The following ANKRD12 variants were observed in gnomAD, a reference collection of about 807,000 sequenced individuals.
The protein encoded by ANKRD12 is ankyrin repeat domain 12, also known as ankyrin repeat domain-containing protein 12.
A neutral mutation model predicts 183.4 loss-of-function variants in ANKRD12; 85 were observed. That is an observed-to-expected ratio of 0.46 (90% CI 0.39 to 0.56). The LOEUF (loss-of-function observed/expected upper bound fraction) is 0.56. Ranked by LOEUF, ANKRD12 falls within the 20% of genes least tolerant of loss-of-function variation. The probability of loss-of-function intolerance (pLI) is 0.00; values close to 1 mark genes in which losing one functional copy is unlikely to be tolerated. For synonymous variants in ANKRD12, 914 were observed against 800.2 expected, an observed-to-expected ratio of 1.14 and a Z score of -2.40; for missense variants, 2,405 against 2,357.1, an observed-to-expected ratio of 1.02 and a Z score of -0.42.
chr18:9,149,541 A>G (rs1016754033), intron 1 of ANKRD12, among the ~76,000 whole-genome samples: 22 of 152,194 alleles, frequency 1.4e-4, no homozygotes, highest in African/African-American at 4.8e-4. Flanking sequence ...AGAGTTTACT[A>G]GAAATTTCAA....
intron 8 of ANKRD12, among the ~76,000 whole-genome samples, chr18:9,237,267 A>G (rs2037399634): frequency 1.3e-5 from 2 of 152,230 alleles, no homozygotes; most frequent in Admixed American, 6.5e-5. Context: ...AAGATCTTCA[A>G]AATGATACAT....
rs201457578 is a variant in ANKRD12 at position 9,199,726 on chromosome 18, G to GT, written c.235+4036dup. On this transcript the variant is annotated intron_variant, in intron 3 of 12. Transcript: ENST00000262126. ...CTTTTATAAAGAAGCAATGCCTTTA[G>GT]TTTTTTTTAATGTTGGATTAAAATA... Among the ~76,000 whole-genome samples the GT allele has an allele frequency of 2.4e-3, 356 of 151,400 alleles. 2 individuals are homozygous for GT. The highest frequency in any genetic ancestry group is 8.2e-3 in the African/African-American group (339 of 41,274).
chr18:9,154,820 T>C (rs148633024), intron 1 of ANKRD12, among the ~76,000 whole-genome samples: 9 of 152,348 alleles, frequency 5.9e-5, no homozygotes, highest in African/African-American at 1.9e-4. Flanking sequence ...GTGGCATTTA[T>C]TGGAATAGAG....
At chr18:9,276,238 T>C (rs565389544) in intron 11 of ANKRD12, among the ~76,000 whole-genome samples, 1 of 152,164 alleles carries the variant, frequency 6.6e-6, no homozygotes, top group Non-Finnish European at 1.5e-5. Flanking sequence ...GATTAAAATT[T>C]TTATAATAAA....
intron 8 of ANKRD12, among the ~76,000 whole-genome samples, chr18:9,245,150 A>G (rs1050722040): frequency 4.6e-5 from 7 of 152,066 alleles, no homozygotes; most frequent in African/African-American, 1.7e-4. Flanking sequence ...TAATAATTCT[A>G]CCGTTGAAAG....
chr18:9,151,748 AG>A (rs1341400616), intron 1 of ANKRD12, among the ~76,000 whole-genome samples: 9 of 152,252 alleles, frequency 5.9e-5, no homozygotes, highest in Non-Finnish European at 1.0e-4. Flanking sequence ...AAATAAAGTT[AG>A]GAACTTGCAT....
chr18:9,279,494 A>T (rs2040009741), intron 11 of ANKRD12, 55 bp from the exon 12 acceptor site: 1 of 1,003,440 alleles, frequency 1.0e-6, no homozygotes, highest in Non-Finnish European at 1.5e-6. Context: ...CTATAATGGC[A>T]TATAGATTTT....
rs762574993 is a variant in ANKRD12 at position 9,239,569 on chromosome 18, T to C, written c.944-14642T>C. On this transcript the variant is annotated intron_variant, in intron 8 of 12. Coordinates refer to ENST00000262126, the MANE Select transcript of ANKRD12 (RefSeq NM_015208.5). ...ACAAAAATCATCAGTAAGTATCATA[T>C]AAAGATTTTGGAGTTGCTGAAAAAG... 6 of 1,260,024 alleles carry C rather than the reference T, an allele frequency of 4.8e-6. No homozygotes were observed. In the South Asian group the frequency reaches 7.8e-5, roughly 16 times the overall value. The allele number at this position is 1,260,024 out of a possible 1,614,324, so 78.1% of individuals were successfully genotyped here. A position where few individuals can be genotyped will look rare whatever the true frequency, so the allele number is the denominator to read the frequency against.
chr18:9,137,337 G>A (rs1424666127), intron 1 of ANKRD12, among the ~76,000 whole-genome samples: 1 of 146,546 alleles, frequency 6.8e-6, no homozygotes, highest in African/African-American at 2.4e-5. Context: ...CCGCGAGCTG[G>A]CCTCGTCGCG....
chr18:9,193,897 G>A (rs1415057147), intron 2 of ANKRD12, among the ~76,000 whole-genome samples: 1 of 152,182 alleles, frequency 6.6e-6, no homozygotes, highest in Non-Finnish European at 1.5e-5. Context: ...TAGATGTGCT[G>A]TATCAATTTG....
intron 3 of ANKRD12, among the ~76,000 whole-genome samples, chr18:9,196,022 A>G (rs940108548): frequency 6.6e-5 from 10 of 152,148 alleles, no homozygotes; most frequent in African/African-American, 2.4e-4. Flanking sequence ...AGATTTGAGA[A>G]AAAGTTGTTG....
intron 1 of ANKRD12, among the ~76,000 whole-genome samples, chr18:9,152,620 A>G (rs1269269615): frequency 6.6e-6 from 1 of 151,986 alleles, no homozygotes; most frequent in African/African-American, 2.4e-5. Flanking sequence ...AGTAATATAT[A>G]TATATTGGAA....
intron 1 of ANKRD12, among the ~76,000 whole-genome samples, chr18:9,140,501 C>T (rs905934716): frequency 6.6e-6 from 1 of 152,168 alleles, no homozygotes; most frequent in Non-Finnish European, 1.5e-5. Flanking sequence ...CTCATGTATA[C>T]TCATGCATTC....
intron 2 of ANKRD12, among the ~76,000 whole-genome samples, chr18:9,182,793 T>TC (rs2033792449): frequency 6.6e-6 from 1 of 152,212 alleles, no homozygotes. Flanking sequence ...TTAGTCATTG[T>TC]CAATGACCTG....
At position 9,161,106 on chromosome 18, in the gene ANKRD12, G is replaced by GT. The variant is rs1555709592; in HGVS notation, c.-51-21275dup. On this transcript the variant is annotated intron_variant, in intron 1 of 12. Coordinates refer to ENST00000262126, the MANE Select transcript of ANKRD12 (RefSeq NM_015208.5). ...CTCTTGCCTTGGCCTGTGTGTGTGTGTGTTGTTGTTGTTGTTGTTTTCCTT... is the reference window on the plus strand; with the variant it reads ...CTCTTGCCTTGGCCTGTGTGTGTGTGTTGTTGTTGTTGTTGTTGTTTTCCTT... Among the ~76,000 whole-genome samples the GT allele has an allele frequency of 6.3e-3, 959 of 151,830 alleles. 10 individuals are homozygous for GT. The highest frequency in any genetic ancestry group is 0.022 in the African/African-American group (899 of 41,424).
chr18:9,254,817 A>C lies in ANKRD12; in HGVS notation c.1550A>C (p.Glu517Ala). The change falls in exon 9 of 13, where the codon GAG becomes GCG. Residue 517 changes from glutamate (E) to alanine (A), a missense_variant. Glu to Ala is a moderately radical substitution (Grantham distance 107, BLOSUM62 -1). Transcript: ENST00000262126. ...TGLDCSEKTREEGNFRKSFSP... is the reference protein window; with the variant it reads ...TGLDCSEKTRAEGNFRKSFSP... Reference sequence around the variant, plus strand: ...CTAGATTGTTCAGAAAAGACCAGAGAGGAGGGGAACTTTAGGAAATCTTTT... The same window carrying C: ...CTAGATTGTTCAGAAAAGACCAGAGCGGAGGGGAACTTTAGGAAATCTTTT... 6.7e-7 allele frequency: 1 copy of C among 1,487,138 alleles called. No individual in the cohort carries two copies. The highest frequency in any genetic ancestry group is 8.9e-7 in the Non-Finnish European group (1 of 1,121,414). The allele number at this position is 1,487,138 out of a possible 1,614,324, so 92.1% of individuals were successfully genotyped here. A position where few individuals can be genotyped will look rare whatever the true frequency, so the allele number is the denominator to read the frequency against.
chr18:9,246,404 C>T (rs1284267086), intron 8 of ANKRD12, among the ~76,000 whole-genome samples: 1 of 152,150 alleles, frequency 6.6e-6, no homozygotes, highest in Non-Finnish European at 1.5e-5. Flanking sequence ...TCGTGTTTCA[C>T]TCTACTTCTT....
At chr18:9,237,923 A>G (rs1193329780) in intron 8 of ANKRD12, among the ~76,000 whole-genome samples, 2 of 152,124 alleles carry the variant, frequency 1.3e-5, no homozygotes, top group Non-Finnish European at 2.9e-5. Flanking sequence ...ATCCCCGTTT[A>G]TTTAATCATT....
intron 1 of ANKRD12, among the ~76,000 whole-genome samples, chr18:9,170,553 C>T (rs921433618): frequency 2.6e-5 from 4 of 152,220 alleles, no homozygotes; most frequent in African/African-American, 4.8e-5. Context: ...TGGTTTTCAG[C>T]TCCATCAGGT....
Sources: gnomAD v4.1 joint callset for allele counts (sites outside exome capture counted in the v4.1 genomes callset) on GRCh38, gnomAD v4.1.1 for gene constraint, MANE v1.5 for transcripts, NCBI Gene and HGNC (gene_info 2026-07-23, HGNC 2026-07-21) for gene names.